Variants in TMPRSS5 observed in about 807,000 individuals in gnomAD.
TMPRSS5 encodes transmembrane protease serine 5.
In TMPRSS5, 45 loss-of-function variants were observed where a neutral mutation model predicts 59.7. The observed-to-expected ratio is 0.75, with a 90% confidence interval of 0.59 to 0.97. The LOEUF is 0.97. Among genes scored for constraint, TMPRSS5 ranks in the 50% least tolerant of loss-of-function variants. The pLI is 0.00. For missense variants in TMPRSS5, 585 were observed against 596.7 expected, an observed-to-expected ratio of 0.98 and a Z score of 0.20; for synonymous variants, 225 against 232.0, an observed-to-expected ratio of 0.97 and a Z score of 0.27.
At chr11:113,699,140 A>C in intron 3 of TMPRSS5, 113 bp from the exon 4 acceptor site, 1 of 1,113,642 alleles carries the variant, frequency 9.0e-7, no homozygotes, top group East Asian at 2.7e-5. Context: ...CCTGCTGAGG[A>C]GGGGCATAGC....
chr11:113,691,892 C>CTTTTTTCT (rs1555023402), intron 9 of TMPRSS5, among the ~76,000 whole-genome samples: 2 of 121,114 alleles, frequency 1.7e-5, no homozygotes, highest in African/African-American at 7.3e-5. Flanking sequence ...CCTTTTTTTT[C>CTTTTTTCT]TTTTTTTTTT....
intron 1 of TMPRSS5, among the ~76,000 whole-genome samples, chr11:113,703,086 C>T (rs1348605633): frequency 2.0e-5 from 3 of 152,334 alleles, no homozygotes; most frequent in Middle Eastern, 3.4e-3. Flanking sequence ...GGTAGATCCA[C>T]CAACAGCTTG....
intron 1 of TMPRSS5, among the ~76,000 whole-genome samples, chr11:113,703,707 A>G (rs1434143888): frequency 6.6e-6 from 1 of 152,236 alleles, no homozygotes; most frequent in Non-Finnish European, 1.5e-5. Context: ...TGCTATTCTC[A>G]TGATAGTGAG....
At position 113,700,115 on chromosome 11, in the gene TMPRSS5, G is replaced by T; in HGVS notation, c.57C>A (p.Gly19=). ...PPMEAQYAEE[G]PGPGIFRAEP... is the part of the protein sequence containing the mutation. The stretch of plus-strand genomic sequence containing the variant: ...CTGCTCTGAAGATCCCAGGTCCTGG[G>T]CCCTCCTCTGCATACTGGGCCTCCA... The change falls in exon 2 of 13, where the codon GGC becomes GGA. Residue 19 remains glycine (G), a synonymous_variant. Coordinates refer to ENST00000299882, the MANE Select transcript of TMPRSS5 (RefSeq NM_030770.4). The T allele has an allele frequency of 6.3e-7, 1 of 1,584,416 alleles. No individual in the cohort carries two copies. Among genetic ancestry groups the T allele is most frequent in the Non-Finnish European group, 8.6e-7 (1 of 1,164,376 alleles).
intron 2 of TMPRSS5, 81 bp from the exon 3 acceptor site, chr11:113,699,774 G>A (rs1005080521): frequency 2.1e-6 from 3 of 1,443,300 alleles, no homozygotes; most frequent in African/African-American, 2.8e-5. Context: ...CCACTATGGG[G>A]CTAGGCACCC....
rs574790961 is a variant in TMPRSS5, at chr11:113,688,963, C to T, written c.1360-689G>A. On this transcript the variant is annotated intron_variant, in intron 12 of 12. Coordinates refer to ENST00000299882, the MANE Select transcript of TMPRSS5 (RefSeq NM_030770.4). ...ACACAATTTACGTAGGTGCAGAACC[C>T]GAACTGCTAAATGCTGAGCTCTCTC... 1.1e-3 allele frequency among the ~76,000 whole-genome samples: 162 copies of T among 152,298 alleles called. 1 individual carries two copies. The highest frequency in any genetic ancestry group is 1.7e-3 in the Non-Finnish European group (117 of 68,028).
chr11:113,696,560 C>A (rs1032722555), intron 6 of TMPRSS5, among the ~76,000 whole-genome samples: 1 of 152,212 alleles, frequency 6.6e-6, no homozygotes, highest in Non-Finnish European at 1.5e-5. Flanking sequence ...GACTCTTTAA[C>A]CTTATTAAGC....
intron 8 of TMPRSS5, 113 bp from the exon 9 acceptor site, chr11:113,693,362 G>T: frequency 8.2e-7 from 1 of 1,223,182 alleles, no homozygotes; most frequent in Non-Finnish European, 1.1e-6. Context: ...GGGGCCGTCA[G>T]CAGGCGGTGA....
chr11:113,705,431 C>T (rs2134835777), intron 1 of TMPRSS5, among the ~76,000 whole-genome samples: 1 of 152,278 alleles, frequency 6.6e-6, no homozygotes, highest in Admixed American at 6.5e-5. Context: ...AAAGAGGTAC[C>T]AGCCCCACCT....
At chr11:113,704,808 G>A (rs1385337020) in intron 1 of TMPRSS5, among the ~76,000 whole-genome samples, 1 of 144,286 alleles carries the variant, frequency 6.9e-6, no homozygotes, top group African/African-American at 2.5e-5. Flanking sequence ...TGCATCCCAG[G>A]GCTAAGCACA....
chr11:113,699,982 C>A (rs1953081237), intron 2 of TMPRSS5, 84 bp downstream of exon 2: 1 of 1,547,826 alleles, frequency 6.5e-7, no homozygotes, highest in Non-Finnish European at 8.7e-7. Context: ...GTGGGGCTGA[C>A]CCCAAGGAGG....
At chr11:113,688,468 C>T (rs1353031839) in intron 12 of TMPRSS5, among the ~76,000 whole-genome samples, 194 bp from the exon 13 acceptor site, 2 of 152,104 alleles carry the variant, frequency 1.3e-5, no homozygotes, top group Admixed American at 1.3e-4. Flanking sequence ...CTGTAAACTC[C>T]GAATGTATTA....
intron 9 of TMPRSS5, 174 bp from the exon 10 acceptor site, chr11:113,691,113 C>T (rs1952768063): frequency 9.9e-6 from 6 of 607,156 alleles, no homozygotes; most frequent in Non-Finnish European, 1.2e-5. Flanking sequence ...GGGCACTGTC[C>T]CATCTTTGGG....
intron 1 of TMPRSS5, among the ~76,000 whole-genome samples, chr11:113,701,774 T>A (rs1472258659): frequency 2.5e-5 from 2 of 79,558 alleles, no homozygotes; most frequent in African/African-American, 1.8e-4. Context: ...TGACATATAG[T>A]CTTTCTTTTT....
chr11:113,698,532 G>A (rs1024192827), intron 4 of TMPRSS5, among the ~76,000 whole-genome samples: 1 of 152,110 alleles, frequency 6.6e-6, no homozygotes, highest in Non-Finnish European at 1.5e-5. Flanking sequence ...GAGTGGGGAT[G>A]AGGTGGGCTG....
Position 113,691,892 on chromosome 11 carries a change from CTTT to C in TMPRSS5, c.965-956_965-954del, listed in dbSNP as rs58784708. ...AGAAAGTTTTCTTTTCCTTTTTTTT[CTTT>C]TTTTTTTTTTGAGACGGAGTCTTGC... On this transcript the variant is annotated intron_variant, in intron 9 of 12. Transcript: ENST00000299882. 9.0e-4 allele frequency among the ~76,000 whole-genome samples: 109 copies of C among 121,112 alleles called. 13 individuals carry two copies. The highest frequency in any genetic ancestry group is 3.9e-3 in the African/African-American group (107 of 27,492). 79.5% of individuals were successfully genotyped at this position (121,112 alleles called of 152,430 possible).
intron 9 of TMPRSS5, among the ~76,000 whole-genome samples, chr11:113,691,482 A>G (rs1205639109): frequency 6.6e-6 from 1 of 152,056 alleles, no homozygotes; most frequent in Non-Finnish European, 1.5e-5. Flanking sequence ...CTCCCACCAA[A>G]CAGGAGACAG....
chr11:113,689,353 T>C (rs1404158258), intron 12 of TMPRSS5, among the ~76,000 whole-genome samples: 2 of 151,242 alleles, frequency 1.3e-5, no homozygotes, highest in African/African-American at 2.4e-5. Context: ...CAAAACTCCA[T>C]CTCAAAAAAA....
intron 9 of TMPRSS5, among the ~76,000 whole-genome samples, chr11:113,692,143 C>T (rs1952800877): frequency 6.6e-6 from 1 of 152,226 alleles, no homozygotes; most frequent in South Asian, 2.1e-4. Context: ...CCACCTCACC[C>T]TCCCAAAGTG....
Sources: gnomAD v4.1 joint callset for allele counts (sites outside exome capture counted in the v4.1 genomes callset) on GRCh38, gnomAD v4.1.1 for gene constraint, MANE v1.5 for transcripts, NCBI Gene and HGNC (gene_info 2026-07-23, HGNC 2026-07-21) for gene names.